The following XYLT2 variants were observed in gnomAD, a reference collection of about 807,000 sequenced individuals.
XYLT2 encodes UDP-D-xylose:proteoglycan core protein beta-D-xylosyltransferase.
A neutral mutation model predicts 82.6 loss-of-function variants in XYLT2; 37 were observed. That is an observed-to-expected ratio of 0.45 (90% CI 0.34 to 0.59). XYLT2 has a LOEUF of 0.59. XYLT2 is among the 20% of genes least tolerant of loss of function. The probability of loss-of-function intolerance (pLI) is 0.01; values close to 1 mark genes in which losing one functional copy is unlikely to be tolerated. For synonymous variants in XYLT2, 474 were observed against 499.0 expected, an observed-to-expected ratio of 0.95 and a Z score of 0.67; for missense variants, 934 against 1,181.3, an observed-to-expected ratio of 0.79 and a Z score of 3.07.
At chr17:50,357,962 T>C (rs1307031407) in intron 9 of XYLT2, 7 of 525,500 alleles carry the variant, frequency 1.3e-5, no homozygotes, top group Non-Finnish European at 2.4e-5. Flanking sequence ...ATCCCTGCCG[T>C]ATTGTCCCCA....
At chr17:50,347,103 G>A (rs9892481) in intron 1 of XYLT2, among the ~76,000 whole-genome samples, 1 of 152,112 alleles carries the variant, frequency 6.6e-6, no homozygotes, top group African/African-American at 2.4e-5. Context: ...TGGTTTCAGC[G>A]GGAGGCTCAG....
At chr17:50,348,491 G>A (rs961146050) in intron 1 of XYLT2, among the ~76,000 whole-genome samples, 2 of 152,344 alleles carry the variant, frequency 1.3e-5, no homozygotes, top group African/African-American at 4.8e-5. Flanking sequence ...GGAGAGCACT[G>A]AAGGGGTTTA....
rs527781154 is a variant in XYLT2, at chr17:50,360,024, T to C, written c.2331T>C (p.Ser777=). ...GPPHNEYMEQ[S]FQGLSSILNL... ...CCCACAACGAGTACATGGAGCAGAG[T>C]TTCCAGGGCCTGAGTAGCATCCTGA... Residue 777 remains serine (S), a synonymous_variant, in exon 11 of 11, where the codon AGT becomes AGC. Transcript: ENST00000017003. The C allele has an allele frequency of 2.5e-6, 4 of 1,613,424 alleles. No individual in the cohort carries two copies. The African/African-American group carries it at 5.3e-5, about 22-fold the overall frequency.
chr17:50,346,271 G>T lies in XYLT2; in HGVS notation c.131G>T (p.Gly44Val). The T allele has an allele frequency of 8.7e-7, 1 of 1,146,244 alleles. No individual in the cohort carries two copies. The allele number at this position is 1,146,244 out of a possible 1,614,324, so 71.0% of individuals were successfully genotyped here. A position where few individuals can be genotyped will look rare whatever the true frequency, so the allele number is the denominator to read the frequency against. ...SFSGLEEDEA[G>V]EKGRQRKPRP... ...AGCGGCCTGGAGGAGGACGAGGCGGGCGAGGTGCTCCGACGGCCGGGCGGG... is the reference window on the plus strand; with the variant it reads ...AGCGGCCTGGAGGAGGACGAGGCGGTCGAGGTGCTCCGACGGCCGGGCGGG... Residue 44 changes from glycine to valine, a missense_variant, in exon 1 of 11, where the codon GGC (glycine) becomes GTC (valine). Physicochemically the swap from Gly to Val is moderately radical, Grantham distance 109. This residue lies in a region of XYLT2 where 371 missense variants were observed against 394.9 expected (regional missense o/e 0.94). Coordinates refer to ENST00000017003, the MANE Select transcript of XYLT2 (RefSeq NM_022167.4). This position sits in a 1 kb window ranked among gnomAD's most constrained non-coding sequence, Gnocchi z 5.1.
Position 50,354,911 on chromosome 17 carries a change from C to T in XYLT2, c.862C>T (p.Arg288Trp), listed in dbSNP as rs369771174. The T allele has an allele frequency of 2.4e-5, 38 of 1,608,476 alleles. No homozygotes were observed. Among genetic ancestry groups the T allele is most frequent in the East Asian group, 1.8e-4 (8 of 44,882 alleles). The change falls in exon 4 of 11, where the codon CGG becomes TGG. Residue 288 changes from arginine (R) to tryptophan (W), a missense_variant. Coordinates refer to ENST00000017003, the MANE Select transcript of XYLT2 (RefSeq NM_022167.4). ...GCTGGCCCAGGGCTATGATAACGTG[C>T]GGGTGACGCCCTGGCGCATGGTTAC... ...VELAQGYDNVRVTPWRMVTIW... is the reference protein window; with the variant it reads ...VELAQGYDNVWVTPWRMVTIW...
chr17:50,357,896 T>C, intron 9 of XYLT2: 1 of 348,260 alleles, frequency 2.9e-6, no homozygotes, highest in Non-Finnish European at 5.2e-6. Flanking sequence ...CATAGTCTCT[T>C]TCTCAGAGGC....
intron 1 of XYLT2, 84 bp from the exon 2 acceptor site, chr17:50,353,546 A>G (rs190138158): frequency 1.3e-6 from 2 of 1,506,716 alleles, no homozygotes; most frequent in Admixed American, 2.6e-5. Context: ...TCTAGGTCTG[A>G]GGGTGCCCCC....
chr17:50,347,706 G>A (rs757163296), intron 1 of XYLT2, among the ~76,000 whole-genome samples: 1 of 152,250 alleles, frequency 6.6e-6, no homozygotes, highest in East Asian at 1.9e-4. Flanking sequence ...ATGAATAGGG[G>A]AATCCTGGGC....
intron 1 of XYLT2, among the ~76,000 whole-genome samples, chr17:50,347,287 G>C (rs1912082828): frequency 6.6e-6 from 1 of 152,218 alleles, no homozygotes; most frequent in Admixed American, 6.5e-5. Context: ...TCTATCTGCT[G>C]CTGTCCTCCG....
rs1028118395 is a variant in XYLT2 at position 50,360,640 on chromosome 17, G to A, written c.*349G>A. ...TGGGAGAGAAACTAGAACAGAAGAT[G>A]TGCAATAGGGCTCAGAGCAGCCCCA... On this transcript the variant is annotated 3_prime_UTR_variant, in exon 11 of 11. Transcript: ENST00000017003. 5 of 1,026,874 alleles carry A rather than the reference G, an allele frequency of 4.9e-6. No individual in the cohort carries two copies. The African/African-American group carries it at 9.1e-5, about 19-fold the overall frequency. The allele number at this position is 1,026,874 out of a possible 1,614,324, so 63.6% of individuals were successfully genotyped here.
chr17:50,356,316 C>T (rs759754317), intron 7 of XYLT2, 55 bp downstream of exon 7: 19 of 1,589,596 alleles, frequency 1.2e-5, no homozygotes, highest in Middle Eastern at 1.7e-4. Flanking sequence ...TGGCTTTTCA[C>T]CAGGAAAATG....
Position 50,360,581 on chromosome 17 carries a change from T to C in XYLT2, c.*290T>C, listed in dbSNP as rs1279806531. 7 of 1,178,090 alleles carry C rather than the reference T, an allele frequency of 5.9e-6. 1 individual carries two copies. Among genetic ancestry groups the C allele is most frequent in the East Asian group, 7.7e-5 (2 of 26,034 alleles). 73.0% of individuals were successfully genotyped at this position (1,178,090 alleles called of 1,614,324 possible). The stretch of plus-strand genomic sequence containing the variant: ...GAATTTCTTTTTTTTCTTTTTTTTT[T>C]TTTTTTTTTAATTTAAAAAGGAAAA... On this transcript the variant is annotated 3_prime_UTR_variant, in exon 11 of 11. Coordinates refer to ENST00000017003, the MANE Select transcript of XYLT2 (RefSeq NM_022167.4).
At position 50,346,315 on chromosome 17, in the gene XYLT2, G is replaced by C. The variant is rs1912034278; in HGVS notation, c.135+40G>C. 2.9e-6 allele frequency: 3 copies of C among 1,027,980 alleles called. No individual in the cohort carries two copies. The highest frequency in any genetic ancestry group is 5.9e-5 in the Admixed American group (1 of 16,896). The allele number at this position is 1,027,980 out of a possible 1,614,324, so 63.7% of individuals were successfully genotyped here. On this transcript the variant is annotated intron_variant, in intron 1 of 10. Transcript: ENST00000017003. The surrounding 1 kb of genome is among the most constrained non-coding windows in gnomAD (Gnocchi z 5.1). ...GGGCGGGCGGGCAGGCCGGGCGCGGGGGCGCGCGGGGTCCTGGCGGGGCTG... is the reference window on the plus strand; with the variant it reads ...GGGCGGGCGGGCAGGCCGGGCGCGGCGGCGCGCGGGGTCCTGGCGGGGCTG...
Position 50,355,809 on chromosome 17 carries a change from C to T in XYLT2, c.1117C>T (p.Leu373Phe). ...RFIKKQGLDR[L>F]FHECDSHMWR... Reference sequence around the variant, plus strand: ...CATCAAGAAACAGGGCCTGGACCGGCTCTTCCATGAGTGCGACTCACACAT... The same window carrying T: ...CATCAAGAAACAGGGCCTGGACCGGTTCTTCCATGAGTGCGACTCACACAT... The change falls in exon 6 of 11, where the codon CTC (leucine) becomes TTC (phenylalanine). Residue 373 changes from leucine (L) to phenylalanine (F), a missense_variant. Physicochemically the swap from Leu to Phe is conservative, Grantham distance 22. This residue lies in a region of XYLT2 where 189 missense variants were observed against 320.8 expected (regional missense o/e 0.59). Coordinates refer to ENST00000017003, the MANE Select transcript of XYLT2 (RefSeq NM_022167.4). 6.2e-7 allele frequency: 1 copy of T among 1,614,240 alleles called. No homozygotes were observed. The highest frequency in any genetic ancestry group is 8.5e-7 in the Non-Finnish European group (1 of 1,180,042).
chr17:50,347,145 T>C (rs531203231), intron 1 of XYLT2, among the ~76,000 whole-genome samples: 4 of 152,258 alleles, frequency 2.6e-5, no homozygotes, highest in South Asian at 2.1e-4. Context: ...GAAGGGTCCA[T>C]TGGGTCTGGG....
At chr17:50,355,659 A>G (rs1197136044) in intron 5 of XYLT2, 78 bp downstream of exon 5, 9 of 1,597,868 alleles carry the variant, frequency 5.6e-6, no homozygotes, top group Non-Finnish European at 7.7e-6. Flanking sequence ...CGGTGGCTCC[A>G]GCCCTGGGTT....
In XYLT2 at chr17:50,354,729, C is replaced by A. The variant is rs1598350643; in HGVS notation, c.805-125C>A. ...AGGGGAGTGGCAGCACGAGCCAGCT[C>A]AGCCGCTTAGGGGCTGGAGCCCTGC... On this transcript the variant is annotated intron_variant, in intron 3 of 10. Coordinates refer to ENST00000017003, the MANE Select transcript of XYLT2 (RefSeq NM_022167.4). 2.6e-6 allele frequency: 4 copies of A among 1,534,192 alleles called. No homozygotes were observed. The Admixed American group carries it at 5.3e-5, about 21-fold the overall frequency.
intron 1 of XYLT2, among the ~76,000 whole-genome samples, chr17:50,351,276 A>T (rs938756310): frequency 1.3e-5 from 2 of 152,176 alleles, no homozygotes; most frequent in South Asian, 4.1e-4. Flanking sequence ...TTCCACATGT[A>T]TTCTGAAGGT....
At position 50,353,773 on chromosome 17, in the gene XYLT2, C is replaced by A; in HGVS notation, c.279C>A (p.Ala93=). 1 of 1,560,448 alleles carries A rather than the reference C, an allele frequency of 6.4e-7. No homozygotes were observed. The highest frequency in any genetic ancestry group is 2.4e-5 in the East Asian group (1 of 41,698). ...GRAESPGVPV[A]KVVRAVTSRQ... is the part of the protein sequence containing the mutation. ...CTGAGAGCCCAGGAGTGCCCGTGGC[C>A]AAGGTGGTACGGGCAGTAACCAGCC... Residue 93 remains alanine, a synonymous_variant, in exon 2 of 11, where the codon GCC becomes GCA. Coordinates refer to ENST00000017003, the MANE Select transcript of XYLT2 (RefSeq NM_022167.4).
Sources: gnomAD v4.1 joint callset for allele counts (sites outside exome capture counted in the v4.1 genomes callset) on GRCh38, gnomAD v4.1.1 for gene constraint, gnomAD v4.1.1 regional missense constraint, Gnocchi (gnomAD v3.1) non-coding constraint, MANE v1.5 for transcripts, NCBI Gene and HGNC (gene_info 2026-07-23, HGNC 2026-07-21) for gene names.